PPP2R5C: variants seen among roughly 807,000 people sequenced by gnomAD.
PPP2R5C encodes the protein serine/threonine-protein phosphatase 2A 56 kDa regulatory subunit gamma isoform.
A neutral mutation model predicts 68.9 loss-of-function variants in PPP2R5C; 7 were observed. The observed-to-expected ratio is 0.10, with a 90% CI of 0.06 to 0.19. The LOEUF is 0.19. PPP2R5C is among the 10% of genes least tolerant of loss of function. The pLI is 1.00. For synonymous variants in PPP2R5C, 210 were observed against 222.2 expected (o/e 0.95, Z 0.49); for missense variants, 348 against 641.3 (o/e 0.54, Z 4.94).
chr14:101,763,161 T>G (rs1302195082), intron 2 of PPP2R5C, among the ~76,000 whole-genome samples, 191 bp downstream of exon 2: 1 of 152,184 alleles, frequency 6.6e-6, no homozygotes, highest in African/African-American at 2.4e-5. Flanking sequence ...AAACTATTAA[T>G]GATTTTATGA....
rs2043844122 is a variant in PPP2R5C, at chr14:101,877,286, G to T, written c.295-4875G>T. Among the ~76,000 whole-genome samples, 3 of 152,224 alleles carry T rather than the reference G, an allele frequency of 2.0e-5. No individual in the cohort carries two copies. Among genetic ancestry groups the T allele is most frequent in the Admixed American group, 2.0e-4 (3 of 15,292 alleles). The stretch of plus-strand genomic sequence containing the variant: ...AATGGAGGAGAAAATTGAGGCTCAG[G>T]CAGGCTGTTTGGTCTGAGGTCCTTC... On this transcript the variant is annotated intron_variant, in intron 2 of 13. Coordinates refer to ENST00000334743, the Ensembl canonical transcript of PPP2R5C. This position sits in a 1 kb window ranked among gnomAD's most constrained non-coding sequence, Gnocchi z 4.2.
chr14:101,919,993 C>CAAAAAAAAAAAAAAA (rs367834588), intron 13 of PPP2R5C, among the ~76,000 whole-genome samples: 6 of 117,476 alleles, frequency 5.1e-5, no homozygotes, highest in African/African-American at 2.2e-4. Context: ...AAAAAAAAAA[C>CAAAAAAAAAAAAAAA]CAATTCTTAC....
intron 1 of PPP2R5C, among the ~76,000 whole-genome samples, chr14:101,826,831 T>G (rs1002784925): frequency 1.3e-5 from 2 of 152,194 alleles, no homozygotes; most frequent in African/African-American, 4.8e-5. Context: ...TGTGGGCATC[T>G]GGGCACTTAG....
At chr14:101,799,595 C>T (rs1348592912) in intron 3 of PPP2R5C, among the ~76,000 whole-genome samples, 3 of 152,300 alleles carry the variant, frequency 2.0e-5, no homozygotes, top group South Asian at 2.1e-4. Context: ...TTCTGGGTTG[C>T]ATTTACTTAG....
At chr14:101,876,024 G>A (rs2043751721) in intron 2 of PPP2R5C, among the ~76,000 whole-genome samples, 1 of 152,106 alleles carries the variant, frequency 6.6e-6, no homozygotes, top group South Asian at 2.1e-4. Context: ...GTGGAAAGGT[G>A]GTTGCTGTTG....
At chr14:101,878,693 G>A (rs1174428572) in intron 2 of PPP2R5C, among the ~76,000 whole-genome samples, 1 of 152,190 alleles carries the variant, frequency 6.6e-6, no homozygotes, top group Non-Finnish European at 1.5e-5. Context: ...GGCCGCAGGT[G>A]GACTCTCCTC....
At chr14:101,760,636 G>A (rs1253792794), upstream of PPP2R5C, 1 of 897,936 alleles carries the variant, frequency 1.1e-6, no homozygotes, top group Non-Finnish European at 1.3e-6. Flanking sequence ...GGGACCTTGC[G>A]GGAGAAACTG....
At chr14:101,833,764 G>C (rs1271564252) in intron 1 of PPP2R5C, among the ~76,000 whole-genome samples, 2 of 152,102 alleles carry the variant, frequency 1.3e-5, no homozygotes, top group African/African-American at 4.8e-5. Flanking sequence ...ATGACTAGGG[G>C]TTTTCACTTC....
chr14:101,796,435 G>C (rs1334077842), intron 3 of PPP2R5C: 1 of 152,234 alleles, frequency 6.6e-6, no homozygotes, highest in African/African-American at 2.4e-5. Flanking sequence ...GTTCACACTG[G>C]CCATCTGTGC....
intron 13 of PPP2R5C, among the ~76,000 whole-genome samples, chr14:101,924,343 G>T (rs2047167079): frequency 6.6e-6 from 1 of 151,594 alleles, no homozygotes; most frequent in South Asian, 2.1e-4. Flanking sequence ...ATGGATTGGA[G>T]AAGAGAGTAT....
Position 101,891,398 on chromosome 14 carries a change from T to C in PPP2R5C, c.689+1102T>C, listed in dbSNP as rs2044899252. ...AAAAAATGTCCTCGCTGACAATTCT[T>C]TTAGTTTAGACAAACTTGGGCGGGG... On this transcript the variant is annotated intron_variant, in intron 6 of 13. Transcript: ENST00000334743. The surrounding 1 kb of genome is among the most constrained non-coding windows in gnomAD (Gnocchi z 4.9). 6.6e-6 allele frequency among the ~76,000 whole-genome samples: 1 copy of C among 152,194 alleles called. No individual in the cohort carries two copies. The highest frequency in any genetic ancestry group is 2.4e-5 in the African/African-American group (1 of 41,438).
chr14:101,858,591 A>C (rs1445020597), intron 2 of PPP2R5C, among the ~76,000 whole-genome samples: 1 of 151,952 alleles, frequency 6.6e-6, no homozygotes, highest in African/African-American at 2.4e-5. Flanking sequence ...TTATTGAAAA[A>C]TTATTTCTCC....
At chr14:101,871,481 G>A (rs573607426) in intron 2 of PPP2R5C, among the ~76,000 whole-genome samples, 1 of 152,232 alleles carries the variant, frequency 6.6e-6, no homozygotes, top group Non-Finnish European at 1.5e-5. Context: ...CTGATCTCGT[G>A]ATCTGCCCTC....
chr14:101,803,052 TA>T (rs2038935792), intron 3 of PPP2R5C, among the ~76,000 whole-genome samples: 1 of 150,140 alleles, frequency 6.7e-6, no homozygotes, highest in Admixed American at 6.6e-5. Flanking sequence ...CCATCTCTAC[TA>T]AAAATACAAA....
intron 3 of PPP2R5C, among the ~76,000 whole-genome samples, chr14:101,788,250 C>T (rs2038210663): frequency 6.6e-6 from 1 of 152,204 alleles, no homozygotes; most frequent in Non-Finnish European, 1.5e-5. Context: ...TGCCCCGCCT[C>T]AGCCAGTGCA....
intron 1 of PPP2R5C, among the ~76,000 whole-genome samples, chr14:101,854,795 A>G (rs895345558): frequency 5.9e-5 from 9 of 152,232 alleles, no homozygotes; most frequent in African/African-American, 2.2e-4. Context: ...AACTGGAGAA[A>G]TTTTTAAACA....
intron 9 of PPP2R5C, among the ~76,000 whole-genome samples, chr14:101,902,351 TGCGAGAGGACGACCTTG>T (rs2045738237): frequency 6.6e-6 from 1 of 152,194 alleles, no homozygotes; most frequent in Admixed American, 6.5e-5. Context: ...CAAATTCCTG[TGCGAGAGGACGACCTTG>T]GTCAGAGCTA....
intron 3 of PPP2R5C, among the ~76,000 whole-genome samples, chr14:101,803,963 C>G (rs568094466): frequency 2.0e-5 from 3 of 152,048 alleles, no homozygotes; most frequent in African/African-American, 4.8e-5. Flanking sequence ...AAAATACTTG[C>G]AAACTACTCA....
upstream of PPP2R5C, among the ~76,000 whole-genome samples, chr14:101,805,447 A>G (rs1332206055): frequency 6.6e-6 from 1 of 152,232 alleles, no homozygotes; most frequent in African/African-American, 2.4e-5. Flanking sequence ...AATATTACAC[A>G]TATACCTTGA....
Sources: gnomAD v4.1 joint callset for allele counts (sites outside exome capture counted in the v4.1 genomes callset) on GRCh38, gnomAD v4.1.1 for gene constraint, Gnocchi (gnomAD v3.1) non-coding constraint, MANE v1.5 for transcripts, NCBI Gene and HGNC (gene_info 2026-07-23, HGNC 2026-07-21) for gene names.